Variants in THSD7A observed in about 807,000 individuals in gnomAD.
THSD7A encodes the protein thrombospondin type-1 domain-containing protein 7A.
THSD7A carries 96 observed loss-of-function variants against 231.3 expected under a neutral mutation model. The ratio of observed to expected loss-of-function variants is 0.41; its 90% confidence interval spans 0.35 to 0.49. The LOEUF is 0.49. Ranked by LOEUF, THSD7A falls within the 20% of genes least tolerant of loss-of-function variation. The probability of loss-of-function intolerance (pLI) is 0.05; values close to 1 mark genes in which losing one functional copy is unlikely to be tolerated. For synonymous variants in THSD7A, 940 were observed against 743.3 expected (o/e 1.26, Z -4.30); for missense variants, 2,290 against 2,070.2 (o/e 1.11, Z -2.06).
In THSD7A at chr7:11,812,140, T is replaced by TGTGTGTGTGTGA. The variant is rs377112108; in HGVS notation, c.190+19616_190+19617insTCACACACACAC. Among the ~76,000 whole-genome samples, 88 of 147,014 alleles carry TGTGTGTGTGTGA rather than the reference T, an allele frequency of 6.0e-4. 4 individuals are homozygous for TGTGTGTGTGTGA. The Middle Eastern group carries it at 0.021, about 35-fold the overall frequency. ...GTGTGTGTGTGTGTGTGTGTGTGTGTGGGAGACAGAGAGAGAGATATGGGG... is the reference window on the plus strand; with the variant it reads ...GTGTGTGTGTGTGTGTGTGTGTGTGTGTGTGTGTGTGAGGGAGACAGAGAGAGAGATATGGGG... On this transcript the variant is annotated intron_variant, in intron 1 of 27. Transcript: ENST00000423059.
At chr7:11,508,453 G>C (rs1787651585) in intron 6 of THSD7A, among the ~76,000 whole-genome samples, 1 of 152,046 alleles carries the variant, frequency 6.6e-6, no homozygotes, top group African/African-American at 2.4e-5. Context: ...GACAACTCTT[G>C]GTGAGAATAT....
intron 4 of THSD7A, among the ~76,000 whole-genome samples, chr7:11,572,799 T>A (rs1275508146): frequency 1.3e-5 from 2 of 152,102 alleles, no homozygotes; most frequent in African/African-American, 4.8e-5. Context: ...GTCTGCTGAT[T>A]CTTATATCTA....
intron 1 of THSD7A, among the ~76,000 whole-genome samples, chr7:11,680,182 C>A (rs1178242165): frequency 6.6e-6 from 1 of 151,998 alleles, no homozygotes; most frequent in African/African-American, 2.4e-5. Context: ...CTTCCTTACA[C>A]CTTATACAAA....
intron 23 of THSD7A, among the ~76,000 whole-genome samples, chr7:11,392,079 T>C (rs1416535346): frequency 2.6e-5 from 4 of 152,054 alleles, no homozygotes; most frequent in African/African-American, 9.7e-5. Flanking sequence ...TTTTTTAAGA[T>C]TTCACATAGG....
chr7:11,573,686 C>G (rs1237910495), intron 4 of THSD7A, among the ~76,000 whole-genome samples: 1 of 152,194 alleles, frequency 6.6e-6, no homozygotes, highest in Admixed American at 6.5e-5. Context: ...TTATTTACTT[C>G]CTAGGCTTTG....
chr7:11,700,941 G>T (rs1317260212), intron 1 of THSD7A, among the ~76,000 whole-genome samples: 1 of 151,054 alleles, frequency 6.6e-6, no homozygotes, highest in Non-Finnish European at 1.5e-5. Context: ...CCTCTTTAAA[G>T]CAATGAGATA....
chr7:11,682,529 A>G (rs1300674664), intron 1 of THSD7A, among the ~76,000 whole-genome samples: 2 of 152,092 alleles, frequency 1.3e-5, no homozygotes, highest in East Asian at 1.9e-4. Context: ...AAACAAAGAA[A>G]GACATTACAT....
In THSD7A at chr7:11,787,183, A is replaced by T. The variant is rs548842209; in HGVS notation, c.190+44574T>A. ...AGAGAAAAGGCAATTTCAACAAATC[A>T]TGTTGGAACAACTGGACTTTCACCG... On this transcript the variant is annotated intron_variant, in intron 1 of 27. Transcript: ENST00000423059. Among the ~76,000 whole-genome samples, 85 of 152,232 alleles carry T rather than the reference A, an allele frequency of 5.6e-4. 1 individual carries two copies. The Middle Eastern group carries it at 0.017, about 30-fold the overall frequency.
chr7:11,564,123 T>C (rs1790197542), intron 4 of THSD7A, among the ~76,000 whole-genome samples: 1 of 152,206 alleles, frequency 6.6e-6, no homozygotes, highest in African/African-American at 2.4e-5. Flanking sequence ...ACTGTATACA[T>C]TATATAAATT....
intron 2 of THSD7A, among the ~76,000 whole-genome samples, chr7:11,626,921 T>C (rs1294899410): frequency 6.6e-6 from 1 of 152,178 alleles, no homozygotes; most frequent in Non-Finnish European, 1.5e-5. Flanking sequence ...ACATATCTTT[T>C]GAGGATATTC....
chr7:11,767,536 A>G (rs191585433), intron 1 of THSD7A, among the ~76,000 whole-genome samples: 18 of 152,316 alleles, frequency 1.2e-4, no homozygotes, highest in African/African-American at 4.3e-4. Flanking sequence ...TAACCCTGCT[A>G]CAACACATGT....
intron 2 of THSD7A, among the ~76,000 whole-genome samples, chr7:11,595,453 TA>T (rs1302694132): frequency 2.0e-5 from 3 of 151,948 alleles, no homozygotes; most frequent in East Asian, 1.9e-4. Flanking sequence ...CTTGGGGAGT[TA>T]AAAAAAGGTT....
chr7:11,508,641 A>G (rs991663087), intron 6 of THSD7A, among the ~76,000 whole-genome samples: 14 of 152,244 alleles, frequency 9.2e-5, no homozygotes, highest in African/African-American at 3.1e-4. Context: ...AGATATTAGC[A>G]CTACCATGTT....
chr7:11,705,307 A>C (rs1780728794), intron 1 of THSD7A, among the ~76,000 whole-genome samples: 1 of 151,066 alleles, frequency 6.6e-6, no homozygotes, highest in African/African-American at 2.4e-5. Flanking sequence ...TAAGTTACCT[A>C]GGTAAGGAAA....
Position 11,634,944 on chromosome 7 carries a change from G to GA in THSD7A, c.1022+1185dup, listed in dbSNP as rs150541925. Among the ~76,000 whole-genome samples the GA allele has an allele frequency of 0.019, 2,768 of 149,258 alleles. 180 individuals are homozygous for GA. The East Asian group carries it at 0.25, about 13-fold the overall frequency. On this transcript the variant is annotated intron_variant, in intron 2 of 27. Coordinates refer to ENST00000423059, the MANE Select transcript of THSD7A (RefSeq NM_015204.3). This position sits in a 1 kb window ranked among gnomAD's most constrained non-coding sequence, Gnocchi z 4.1. ...CAAAATCAGTAGACAAGAATAGATT[G>GA]AAAAAAAAATCAGGTGAGAAAAAAA...
intron 6 of THSD7A, among the ~76,000 whole-genome samples, chr7:11,482,910 G>C (rs930982594): frequency 2.0e-5 from 3 of 152,134 alleles, no homozygotes; most frequent in Non-Finnish European, 2.9e-5. Context: ...ACAACCAACA[G>C]AATAACCAAA....
At chr7:11,611,884 ATC>A (rs1562768768) in intron 2 of THSD7A, among the ~76,000 whole-genome samples, 1 of 143,110 alleles carries the variant, frequency 7.0e-6, no homozygotes, top group East Asian at 2.0e-4. Flanking sequence ...CTATCTATCT[ATC>A]TGTCTATCTT....
At chr7:11,578,379 C>T (rs1791010616) in intron 4 of THSD7A, among the ~76,000 whole-genome samples, 1 of 152,198 alleles carries the variant, frequency 6.6e-6, no homozygotes, top group African/African-American at 2.4e-5. Context: ...TAGGTTAATT[C>T]AAAATGAAAC....
At chr7:11,677,584 C>CAAAAAAAAAAAAAA (rs553030554) in intron 1 of THSD7A, among the ~76,000 whole-genome samples, 3 of 22,274 alleles carry the variant, frequency 1.3e-4, no homozygotes, top group African/African-American at 5.1e-4. Context: ...AAATGGAAAG[C>CAAAAAAAAAAAAAA]AAAAAAAAAA....
Sources: allele counts gnomAD v4.1 joint callset (sites outside exome capture counted in the v4.1 genomes callset), GRCh38; gene constraint gnomAD v4.1.1; non-coding constraint Gnocchi (gnomAD v3.1); transcripts MANE v1.5; gene names NCBI Gene and HGNC (gene_info 2026-07-23, HGNC 2026-07-21).